Variants in ZNF407 observed in about 807,000 individuals in gnomAD.
The protein encoded by ZNF407 is zinc finger protein 407.
In ZNF407, 17 loss-of-function variants were observed where a neutral mutation model predicts 131.2. The observed-to-expected ratio is 0.13, with a 90% CI of 0.09 to 0.19. ZNF407 has a LOEUF of 0.19. Among genes scored for constraint, ZNF407 ranks in the 10% least tolerant of loss-of-function variants. The pLI, the probability that ZNF407 is intolerant of heterozygous loss-of-function variation, is 1.00. For missense variants in ZNF407, 2,681 were observed against 2,830.6 expected, an observed-to-expected ratio of 0.95 and a Z score of 1.20; for synonymous variants, 1,156 against 1,062.0, an observed-to-expected ratio of 1.09 and a Z score of -1.72.
chr18:74,918,319 T>G (rs1269658406), intron 7 of ZNF407, among the ~76,000 whole-genome samples: 1 of 152,206 alleles, frequency 6.6e-6, no homozygotes, highest in Non-Finnish European at 1.5e-5. Flanking sequence ...GGATTCTGCC[T>G]TAACCACTCA....
intron 3 of ZNF407, among the ~76,000 whole-genome samples, chr18:74,740,745 C>T (rs942842100): frequency 3.9e-5 from 6 of 152,126 alleles, no homozygotes; most frequent in Non-Finnish European, 1.5e-5. Context: ...ACTGCCTCCT[C>T]CCCTGGTTCC....
intron 3 of ZNF407, among the ~76,000 whole-genome samples, chr18:74,757,370 A>G (rs1053332060): frequency 1.3e-5 from 2 of 151,820 alleles, no homozygotes; most frequent in Admixed American, 6.6e-5. Context: ...TTCATCTCAA[A>G]CTGTTTTAAA....
chr18:75,030,511 C>A (rs981052637), intron 8 of ZNF407, among the ~76,000 whole-genome samples: 1 of 152,182 alleles, frequency 6.6e-6, no homozygotes, highest in Non-Finnish European at 1.5e-5. Context: ...CAAATTTCTG[C>A]AGGCTGATAA....
At chr18:74,943,517 A>T (rs188827695) in intron 8 of ZNF407, among the ~76,000 whole-genome samples, 1 of 152,252 alleles carries the variant, frequency 6.6e-6, no homozygotes, top group South Asian at 2.1e-4. Context: ...TGAAAAGAGA[A>T]TGCAAATAGC....
intron 8 of ZNF407, among the ~76,000 whole-genome samples, chr18:75,049,278 A>T (rs1337602193): frequency 5.3e-5 from 8 of 152,200 alleles, no homozygotes; most frequent in Non-Finnish European, 1.5e-5. Flanking sequence ...AGCTGAAGCC[A>T]GAGATTGGCA....
chr18:74,748,329 G>A (rs1182085888), intron 3 of ZNF407, among the ~76,000 whole-genome samples: 2 of 149,514 alleles, frequency 1.3e-5, no homozygotes, highest in Non-Finnish European at 3.0e-5. Flanking sequence ...AAATTCTTGA[G>A]GACTCCTAAT....
intron 6 of ZNF407, among the ~76,000 whole-genome samples, chr18:74,886,373 A>C (rs1410585589): frequency 6.6e-6 from 1 of 152,160 alleles, no homozygotes; most frequent in African/African-American, 2.4e-5. Context: ...ATATATACCT[A>C]CCATATTATA....
At chr18:74,665,604 G>T (rs942407218) in intron 3 of ZNF407, among the ~76,000 whole-genome samples, 1 of 152,084 alleles carries the variant, frequency 6.6e-6, no homozygotes, top group African/African-American at 2.4e-5. Context: ...AAATTGGTAG[G>T]CACCTTATAG....
chr18:74,733,784 AC>A lies in ZNF407; in HGVS notation c.4803-47643del, dbSNP rs374471284. 1.2e-4 allele frequency among the ~76,000 whole-genome samples: 19 copies of A among 152,310 alleles called. 1 individual carries two copies. Among genetic ancestry groups the A allele is most frequent in the African/African-American group, 4.6e-4 (19 of 41,572 alleles). ...CATGGACAATTAGTGTCGTAACAGG[AC>A]TTTGGTCACAAGTTGTCTTAAGTGC... On this transcript the variant is annotated intron_variant, in intron 3 of 8. Transcript: ENST00000299687.
chr18:74,872,754 CA>C (rs1285226958), intron 4 of ZNF407, among the ~76,000 whole-genome samples: 33 of 68,086 alleles, frequency 4.8e-4, no homozygotes, highest in Non-Finnish European at 5.5e-4. Flanking sequence ...GACTCAGTCT[CA>C]AAAAAAAAAA....
At chr18:74,921,774 G>T (rs1280638191) in intron 8 of ZNF407, among the ~76,000 whole-genome samples, 1 of 152,140 alleles carries the variant, frequency 6.6e-6, no homozygotes, top group South Asian at 2.1e-4. Context: ...CATATGATGG[G>T]GTCGTTAGTA....
At chr18:74,884,899 C>A (rs1971286633) in intron 6 of ZNF407, among the ~76,000 whole-genome samples, 1 of 152,074 alleles carries the variant, frequency 6.6e-6, no homozygotes, top group South Asian at 2.1e-4. Flanking sequence ...CATCCTTTTA[C>A]CCCACTTCAA....
intron 8 of ZNF407, among the ~76,000 whole-genome samples, chr18:74,924,649 G>A (rs1971889249): frequency 6.6e-6 from 1 of 152,112 alleles, no homozygotes; most frequent in Non-Finnish European, 1.5e-5. Flanking sequence ...CCAGTGGCCT[G>A]CAGTCTGACC....
At chr18:74,812,240 G>A (rs965008637) in intron 4 of ZNF407, among the ~76,000 whole-genome samples, 1 of 152,056 alleles carries the variant, frequency 6.6e-6, no homozygotes, top group African/African-American at 2.4e-5. Context: ...TAGAATTTTT[G>A]TGTGTGAAAG....
chr18:74,913,454 G>A (rs1202521458), intron 7 of ZNF407, among the ~76,000 whole-genome samples: 2 of 152,198 alleles, frequency 1.3e-5, no homozygotes, highest in South Asian at 2.1e-4. Flanking sequence ...ATACGGCGAG[G>A]CCCCATGCTG....
chr18:74,801,032 G>A (rs1310710493), intron 4 of ZNF407, among the ~76,000 whole-genome samples: 1 of 151,820 alleles, frequency 6.6e-6, no homozygotes, highest in Admixed American at 6.6e-5. Flanking sequence ...AGACATTTAG[G>A]CACTTTGTTA....
chr18:74,766,124 G>T (rs1423359014), intron 3 of ZNF407, among the ~76,000 whole-genome samples: 1 of 151,968 alleles, frequency 6.6e-6, no homozygotes, highest in Non-Finnish European at 1.5e-5. Flanking sequence ...CAGAAATTTG[G>T]TCTCATGCAA....
rs912091657 is a variant in ZNF407, at chr18:74,911,991, G to C, written c.5250-8523G>C. 2.0e-5 allele frequency among the ~76,000 whole-genome samples: 3 copies of C among 152,200 alleles called. No individual in the cohort carries two copies. In the South Asian group the frequency reaches 6.2e-4, roughly 32 times the overall value. ...GCCTGACATCATAACAGACCTGATT[G>C]TTGCCAGTATTTCAAGACAGCCACT... On this transcript the variant is annotated intron_variant, in intron 7 of 8. Transcript: ENST00000299687.
chr18:74,767,302 C>G (rs1024889572), intron 3 of ZNF407, among the ~76,000 whole-genome samples: 1 of 152,116 alleles, frequency 6.6e-6, no homozygotes, highest in East Asian at 1.9e-4. Flanking sequence ...GAAAGTAATT[C>G]AACCGTAATT....
Sources: allele counts gnomAD v4.1 joint callset (sites outside exome capture counted in the v4.1 genomes callset), GRCh38; gene constraint gnomAD v4.1.1; transcripts MANE v1.5; gene names NCBI Gene and HGNC (gene_info 2026-07-23, HGNC 2026-07-21).